The following CEP95 variants were observed in gnomAD, a reference collection of about 807,000 sequenced individuals.
CEP95 encodes the protein centrosomal protein 95.
A neutral mutation model predicts 111.2 loss-of-function variants in CEP95; 98 were observed. The observed-to-expected ratio is 0.88, with a 90% CI of 0.75 to 1.04. The LOEUF is 1.04. Ranked by LOEUF, CEP95 falls within the 50% of genes least tolerant of loss-of-function variation. CEP95 has a pLI of 0.00. For missense variants in CEP95, 1,027 were observed against 977.2 expected (o/e 1.05, Z -0.68); for synonymous variants, 323 against 327.1 (o/e 0.99, Z 0.14).
intron 4 of CEP95, among the ~76,000 whole-genome samples, chr17:64,515,146 C>T (rs1310721787): frequency 6.6e-6 from 1 of 152,152 alleles, no homozygotes; most frequent in Non-Finnish European, 1.5e-5. Flanking sequence ...CTGGACATTT[C>T]TTTGTTTCAA....
At chr17:64,532,554 CGTACG>C (rs1968353753) in intron 14 of CEP95, 2 of 1,165,208 alleles carry the variant, frequency 1.7e-6, no homozygotes, top group Admixed American at 8.8e-5. Context: ...CTTGTTTTAC[CGTACG>C]TAGAGAATCT....
intron 8 of CEP95, 51 bp downstream of exon 8, chr17:64,522,946 G>A: frequency 7.3e-7 from 1 of 1,376,880 alleles, no homozygotes; most frequent in African/African-American, 1.4e-5. Flanking sequence ...TTGTATGTAT[G>A]TCTGTGTGTG....
chr17:64,512,462 AT>A (rs371606056), intron 3 of CEP95, among the ~76,000 whole-genome samples: 13 of 152,340 alleles, frequency 8.5e-5, no homozygotes, highest in African/African-American at 3.1e-4. Context: ...CATACCAAAT[AT>A]ATTTATAAAT....
At chr17:64,527,020 C>T in intron 10 of CEP95, 91 bp from the exon 11 acceptor site, 2 of 979,564 alleles carry the variant, frequency 2.0e-6, no homozygotes, top group Middle Eastern at 3.4e-4. Flanking sequence ...TAGTGACTGT[C>T]AAAGGAAGCT....
intron 3 of CEP95, among the ~76,000 whole-genome samples, chr17:64,511,543 G>T (rs797034199): frequency 6.6e-6 from 1 of 152,218 alleles, no homozygotes; most frequent in Non-Finnish European, 1.5e-5. Context: ...CTTATTCCCT[G>T]AACAATTGCT....
chr17:64,514,479 A>G (rs1464981948), intron 4 of CEP95, 121 bp downstream of exon 4: 1 of 540,590 alleles, frequency 1.8e-6, no homozygotes, highest in Non-Finnish European at 3.4e-6. Context: ...ATACCTGATA[A>G]CCGTAGTTGT....
intron 11 of CEP95, among the ~76,000 whole-genome samples, 158 bp from the exon 12 acceptor site, chr17:64,529,130 C>G (rs1968076766): frequency 6.6e-6 from 1 of 152,230 alleles, no homozygotes; most frequent in South Asian, 2.1e-4. Flanking sequence ...TGTCTGTTTA[C>G]TTGGTGTTAC....
At chr17:64,512,051 C>T (rs2038925609) in intron 3 of CEP95, among the ~76,000 whole-genome samples, 1 of 152,208 alleles carries the variant, frequency 6.6e-6, no homozygotes, top group African/African-American at 2.4e-5. Flanking sequence ...TAGCTGCATA[C>T]AGTGGACTGC....
At chr17:64,522,573 G>T in intron 7 of CEP95, 129 bp from the exon 8 acceptor site, 1 of 577,420 alleles carries the variant, frequency 1.7e-6, no homozygotes, top group Non-Finnish European at 3.0e-6. Flanking sequence ...TTTTTTATGT[G>T]CTTTGTCTTA....
intron 6 of CEP95, chr17:64,520,682 C>T (rs1555677483): frequency 1.3e-5 from 2 of 152,202 alleles, no homozygotes; most frequent in Non-Finnish European, 2.9e-5. Flanking sequence ...ATCTGCCTGC[C>T]TTGGCCTCCC....
At position 64,529,341 on chromosome 17, in the gene CEP95, C is replaced by G; in HGVS notation, c.1360C>G (p.Pro454Ala). 3 of 1,613,822 alleles carry G rather than the reference C, an allele frequency of 1.9e-6. No homozygotes were observed. Among genetic ancestry groups the G allele is most frequent in the Non-Finnish European group, 2.5e-6 (3 of 1,179,798 alleles). ...PYRSHSLSPS[P>A]VNKHKQFHLE... Reference sequence around the variant, plus strand: ...CAGATCCCATTCGCTCTCTCCATCTCCAGTTAACAAACACAAACAGTTCCA... The same window carrying G: ...CAGATCCCATTCGCTCTCTCCATCTGCAGTTAACAAACACAAACAGTTCCA... The change falls in exon 12 of 20, where the codon CCA (proline) becomes GCA (alanine). Residue 454 changes from proline (P) to alanine (A), a missense_variant. By Grantham distance (27) the Pro-to-Ala change is conservative. Coordinates refer to ENST00000556440, the MANE Select transcript of CEP95 (RefSeq NM_138363.3).
intron 1 of CEP95, chr17:64,507,709 C>G: frequency 1.0e-6 from 1 of 985,918 alleles, no homozygotes; most frequent in African/African-American, 1.7e-5. Context: ...GTTTGGCCAG[C>G]TGTGAGAAAT....
chr17:64,526,657 C>T (rs1158747262), intron 10 of CEP95, among the ~76,000 whole-genome samples: 1 of 152,112 alleles, frequency 6.6e-6, no homozygotes, highest in Non-Finnish European at 1.5e-5. Context: ...CTGATATACA[C>T]CTTTTTAAAA....
chr17:64,511,666 C>A (rs1340236360), intron 3 of CEP95, among the ~76,000 whole-genome samples: 4 of 152,156 alleles, frequency 2.6e-5, no homozygotes, highest in Non-Finnish European at 5.9e-5. Context: ...CTACATACAT[C>A]CTCCTCGGTT....
At chr17:64,525,654 C>G in intron 8 of CEP95, 116 bp from the exon 9 acceptor site, 1 of 626,524 alleles carries the variant, frequency 1.6e-6, no homozygotes, top group East Asian at 3.0e-5. Context: ...CACTTCAAAA[C>G]ACGGAGATTG....
At chr17:64,521,031 G>A (rs1302931076) in intron 6 of CEP95, among the ~76,000 whole-genome samples, 2 of 152,070 alleles carry the variant, frequency 1.3e-5, no homozygotes, top group East Asian at 1.9e-4. Flanking sequence ...ATCACCTGAG[G>A]TAGGAGTTCG....
At chr17:64,508,298 G>A in intron 1 of CEP95, 1 of 991,344 alleles carries the variant, frequency 1.0e-6, no homozygotes, top group Non-Finnish European at 1.2e-6. Flanking sequence ...ACCCATGTAA[G>A]GCTTATATAA....
chr17:64,535,846 G>A (rs1968617407), intron 17 of CEP95: 1 of 152,208 alleles, frequency 6.6e-6, no homozygotes, highest in Admixed American at 6.5e-5. Flanking sequence ...TAAAGAGTGT[G>A]CATTCATTCA....
At chr17:64,507,596 G>A (rs1466689316) in intron 1 of CEP95, 9 of 1,006,668 alleles carry the variant, frequency 8.9e-6, no homozygotes, top group Non-Finnish European at 1.1e-5. Flanking sequence ...GCCCTCTAGA[G>A]TCATGGGCTT....
Sources: gnomAD v4.1 joint callset for allele counts (sites outside exome capture counted in the v4.1 genomes callset) on GRCh38, gnomAD v4.1.1 for gene constraint, MANE v1.5 for transcripts, NCBI Gene and HGNC (gene_info 2026-07-23, HGNC 2026-07-21) for gene names.